FLNA: variants seen among roughly 807,000 people sequenced by gnomAD.
FLNA encodes the protein filamin A.
A neutral mutation model predicts 157.6 loss-of-function variants in FLNA; 7 were observed. The observed-to-expected ratio is 0.04, with a 90% CI of 0.03 to 0.08. The LOEUF is 0.08. FLNA is among the 10% of genes least tolerant of loss of function. The pLI is 1.00. For synonymous variants in FLNA, 1,103 were observed against 1,060.8 expected (o/e 1.04, Z -0.77); for missense variants, 1,750 against 2,398.4 (o/e 0.73, Z 5.65).
At chrX:154,354,073 G>A (rs2067643576) in intron 34 of FLNA, 30 bp from the exon 35 acceptor site, 1 of 1,210,651 alleles carries the variant, frequency 8.3e-7, no homozygotes, top group Non-Finnish European at 1.1e-6. Context: ...CTTGTGGAAT[G>A]GCAGCCTCGT....
In FLNA at chrX:154,364,377, C is replaced by A; in HGVS notation, c.2023-5G>T. The A allele has an allele frequency of 8.3e-7, 1 of 1,205,972 alleles. No homozygotes were observed. The highest frequency in any genetic ancestry group is 1.7e-5 in the African/African-American group (1 of 57,621). ...TCCAGGCCCACGTGCCTTCACCTAG[C>A]GGGAGACCACCCAGCTGTCAGGGGG... is the stretch of plus-strand genomic sequence containing the variant. On this transcript the variant is annotated splice_region_variant and splice_polypyrimidine_tract_variant and intron_variant, in intron 13 of 47. Transcript: ENST00000369850.
In FLNA at chrX:154,361,755, C is replaced by T; in HGVS notation, c.2859G>A (p.Gly953=). The change falls in exon 20 of 48, where the codon GGG becomes GGA. Residue 953 remains glycine, a synonymous_variant. Coordinates refer to ENST00000369850, the MANE Select transcript of FLNA (RefSeq NM_001110556.2). Reference sequence around the variant, plus strand: ...AGAAAGGGCTCTTAGGGATGGGATCCCCTCCATAAGTGACATTGACGCCTA... The same window carrying T: ...AGAAAGGGCTCTTAGGGATGGGATCTCCTCCATAAGTGACATTGACGCCTA... ...GPVGVNVTYG[G]DPIPKSPFSV... 1 of 1,209,324 alleles carries T rather than the reference C, an allele frequency of 8.3e-7. No individual in the cohort carries two copies. Among genetic ancestry groups the T allele is most frequent in the African/African-American group, 1.7e-5 (1 of 57,580 alleles).
At position 154,348,610 on chromosome X, in the gene FLNA, C is replaced by T. The variant is rs781975319; in HGVS notation, c.*239G>A. The T allele has an allele frequency of 1.0e-5, 4 of 383,066 alleles. No individual in the cohort carries two copies. In the South Asian group the frequency reaches 2.2e-4, roughly 21 times the overall value. 31.6% of individuals were successfully genotyped at this position (383,066 alleles called of 1,213,427 possible). A position where few individuals can be genotyped will look rare whatever the true frequency, so the allele number is the denominator to read the frequency against. On this transcript the variant is annotated 3_prime_UTR_variant, in exon 48 of 48. Coordinates refer to ENST00000369850, the MANE Select transcript of FLNA (RefSeq NM_001110556.2). ...TGTGTACAGGACCCCCATCCCTCAC[C>T]CCTCCCAGAACCAAAGAAGACAAGC...
chrX:154,352,109 C>A, intron 41 of FLNA, 72 bp downstream of exon 41: 1 of 1,207,237 alleles, frequency 8.3e-7, no homozygotes, highest in South Asian at 1.8e-5. Flanking sequence ...TGCCTGCCGG[C>A]TCTTTCCTCC....
chrX:154,370,403 C>T (rs2067796100), intron 2 of FLNA, among the ~76,000 whole-genome samples: 2 of 112,243 alleles, frequency 1.8e-5, no homozygotes, highest in South Asian at 3.7e-4. Flanking sequence ...ACAAAGAGCC[C>T]AGAGCCCCAG....
At position 154,351,714 on chromosome X, in the gene FLNA, G is replaced by A. The variant is rs1434661502; in HGVS notation, c.6908-18C>T. The A allele has an allele frequency of 2.6e-6, 3 of 1,150,081 alleles. No homozygotes were observed. Among genetic ancestry groups the A allele is most frequent in the Non-Finnish European group, 3.6e-6 (3 of 839,575 alleles). 94.8% of individuals were successfully genotyped at this position (1,150,081 alleles called of 1,213,427 possible). A position where few individuals can be genotyped will look rare whatever the true frequency, so the allele number is the denominator to read the frequency against. ...GTAGTCACCTGGGCAGGGAAAGAGT[G>A]TAAGACCGGCTCATCAGCCTTTGGG... On this transcript the variant is annotated intron_variant, in intron 42 of 47. Transcript: ENST00000369850.
At chrX:154,363,011 A>C (rs2067725403) in intron 15 of FLNA, among the ~76,000 whole-genome samples, 1 of 112,913 alleles carries the variant, frequency 8.9e-6, no homozygotes, top group African/African-American at 3.2e-5. Flanking sequence ...CTCACTGTTA[A>C]CAGCACTGTT....
At chrX:154,357,752 T>C in intron 28 of FLNA, 129 bp from the exon 29 acceptor site, 1 of 628,927 alleles carries the variant, frequency 1.6e-6, no homozygotes, top group Non-Finnish European at 2.6e-6. Flanking sequence ...TCTTAACTGC[T>C]ATGGCCCAAA....
rs1194258541 is a variant in FLNA, at chrX:154,350,442, C to T, written c.7157-235G>A. On this transcript the variant is annotated intron_variant, in intron 44 of 47. Transcript: ENST00000369850. ...ACGGAAATCTTTTACAAGCCAAACC[C>T]AGGCCTTGCTGCCTCCTAAGAAAGG... The T allele has an allele frequency of 1.1e-4, 48 of 437,419 alleles. 2 individuals carry two copies. In the East Asian group the frequency reaches 1.8e-3, roughly 16 times the overall value. 36.0% of individuals were successfully genotyped at this position (437,419 alleles called of 1,213,427 possible). A position where few individuals can be genotyped will look rare whatever the true frequency, so the allele number is the denominator to read the frequency against.
chrX:154,369,852 G>C (rs1208916803), intron 2 of FLNA, among the ~76,000 whole-genome samples: 1 of 112,199 alleles, frequency 8.9e-6, no homozygotes, highest in Non-Finnish European at 1.9e-5. Flanking sequence ...GAGTGGCTGG[G>C]GGAACCCAAG....
rs183132698 is a variant in FLNA at position 154,353,251 on chromosome X, C to T, written c.6022+45G>A. On this transcript the variant is annotated intron_variant, in intron 37 of 47. Coordinates refer to ENST00000369850, the MANE Select transcript of FLNA (RefSeq NM_001110556.2). ...CAGTCAGGGAGGGCATGGCTCCCCA[C>T]AGGCTGCCTCCTTTCTGAACCCCCT... 11,274 of 1,208,717 alleles carry T rather than the reference C, an allele frequency of 9.3e-3. 692 individuals are homozygous for T. In the African/African-American group the frequency reaches 0.18, roughly 19 times the overall value.
rs1557179160 is a variant in FLNA at position 154,366,099 on chromosome X, C to T, written c.1354G>A (p.Gly452Ser). Residue 452 changes from glycine to serine, a missense_variant, in exon 9 of 48, where the codon GGC (glycine) becomes AGC (serine). Physicochemically the swap from Gly to Ser is moderately conservative, Grantham distance 56. Around this residue, in one of 5 missense-constraint regions of FLNA, gnomAD observed 648 missense variants for 805.8 expected, o/e 0.80. Transcript: ENST00000369850. ...AACGTGACGTGCACGGTGTGGACGC[C>T]CTCCATGGTGGGCTGGTAGCTGCAG... ...YRCSYQPTME[G>S]VHTVHVTFAG... 1 of 1,210,546 alleles carries T rather than the reference C, an allele frequency of 8.3e-7. No individual in the cohort carries two copies. The highest frequency in any genetic ancestry group is 1.1e-6 in the Non-Finnish European group (1 of 895,376).
Position 154,360,266 on chromosome X carries a change from C to G in FLNA, c.3529G>C (p.Glu1177Gln). 8.3e-7 allele frequency: 1 copy of G among 1,211,877 alleles called. No individual in the cohort carries two copies. The highest frequency in any genetic ancestry group is 1.1e-6 in the Non-Finnish European group (1 of 895,668). The change falls in exon 22 of 48, where the codon GAG becomes CAG. Residue 1177 changes from glutamate (E) to glutamine (Q), a missense_variant. Transcript: ENST00000369850. ...CAGTCCACTTGGAATTGGCCCACCT[C>G]CCCAGCGGTGGCCCGCTCCAGCCCG... is the stretch of plus-strand genomic sequence containing the variant. ...GPGLERATAG[E>Q]VGQFQVDCSS...
chrX:154,351,764 G>A (rs1186060497), intron 42 of FLNA, 68 bp from the exon 43 acceptor site: 2 of 1,117,312 alleles, frequency 1.8e-6, no homozygotes, highest in Non-Finnish European at 2.5e-6. Flanking sequence ...CGAACAGCCT[G>A]GGTGGCCCTG....
At chrX:154,355,569 G>A (rs782705847) in intron 30 of FLNA, among the ~76,000 whole-genome samples, 3 of 113,386 alleles carry the variant, frequency 2.6e-5, no homozygotes, top group African/African-American at 9.6e-5. Context: ...TGGTGAAACC[G>A]GAGTTTCCTG....
chrX:154,358,528 G>A lies in FLNA; in HGVS notation c.4515C>T (p.Gly1505=), dbSNP rs987560593. ...EPVDVVDNAD[G]TQTVNYVPSR... ...TGGGCACATAATTGACGGTCTGGGT[G>A]CCATCAGCGTTGTCTACCACGTCCA... Residue 1505 remains glycine, a synonymous_variant, in exon 27 of 48, where the codon GGC becomes GGT. Coordinates refer to ENST00000369850, the MANE Select transcript of FLNA (RefSeq NM_001110556.2). 1.7e-6 allele frequency: 2 copies of A among 1,207,881 alleles called. No homozygotes were observed. Among genetic ancestry groups the A allele is most frequent in the Non-Finnish European group, 2.2e-6 (2 of 893,826 alleles).
chrX:154,350,973 G>A lies in FLNA; in HGVS notation c.7092C>T (p.Ile2364=), dbSNP rs782591917. 4 of 1,209,546 alleles carry A rather than the reference G, an allele frequency of 3.3e-6. No homozygotes were observed. Among genetic ancestry groups the A allele is most frequent in the South Asian group, 3.5e-5 (2 of 56,887 alleles). Residue 2364 remains isoleucine, a synonymous_variant, in exon 44 of 48, where the codon ATC becomes ATT. Coordinates refer to ENST00000369850, the MANE Select transcript of FLNA (RefSeq NM_001110556.2). ...AVSLNGAKGA[I]DAKVHSPSGA... is the part of the protein sequence containing the mutation. ...CTGAGGGGCTGTGCACCTTGGCATCGATCGCCCCCTTGGCCCCGTTCAGGC... is the reference window on the plus strand; with the variant it reads ...CTGAGGGGCTGTGCACCTTGGCATCAATCGCCCCCTTGGCCCCGTTCAGGC...
In FLNA at chrX:154,358,190, G is replaced by A. The variant is rs1304810153; in HGVS notation, c.4755+9C>T. The A allele has an allele frequency of 5.0e-6, 6 of 1,208,250 alleles. No homozygotes were observed. The South Asian group carries it at 5.3e-5, about 11-fold the overall frequency. ...CCCCCTGCCTCCCCTGCCTGTGCCCGGAGCTCACCGTGATCTGGACAGCCA... is the reference window on the plus strand; with the variant it reads ...CCCCCTGCCTCCCCTGCCTGTGCCCAGAGCTCACCGTGATCTGGACAGCCA... On this transcript the variant is annotated intron_variant, in intron 28 of 47. Coordinates refer to ENST00000369850, the MANE Select transcript of FLNA (RefSeq NM_001110556.2).
At chrX:154,365,037 G>A (rs2067745957) in intron 11 of FLNA, 80 bp from the exon 12 acceptor site, 3 of 1,202,991 alleles carry the variant, frequency 2.5e-6, no homozygotes, top group Admixed American at 2.2e-5. Context: ...CGGCCAGGCA[G>A]GAAGAGCCCA....
Sources: allele counts gnomAD v4.1 joint callset (sites outside exome capture counted in the v4.1 genomes callset), GRCh38; gene constraint gnomAD v4.1.1; regional missense constraint gnomAD v4.1.1; transcripts MANE v1.5; gene names NCBI Gene and HGNC (gene_info 2026-07-23, HGNC 2026-07-21).